STIM2: variants seen among roughly 807,000 people sequenced by gnomAD.
STIM2 encodes stromal interaction molecule 2.
STIM2 carries 31 observed loss-of-function variants against 85.8 expected under a neutral mutation model. The ratio of observed to expected loss-of-function variants is 0.36; its 90% CI spans 0.27 to 0.49. The LOEUF is 0.49. STIM2 is among the 20% of genes least tolerant of loss of function. The pLI is 0.98. For missense variants in STIM2, 841 were observed against 927.6 expected (o/e 0.91, Z 1.21); for synonymous variants, 356 against 331.1 (o/e 1.08, Z -0.82).
intron 2 of STIM2, among the ~76,000 whole-genome samples, chr4:26,928,204 C>T (rs1439096163): frequency 6.6e-6 from 1 of 152,112 alleles, no homozygotes; most frequent in African/African-American, 2.4e-5. Context: ...TATTACCTCC[C>T]AGAACCTCCC....
chr4:26,877,428 A>G (rs986790898), intron 1 of STIM2, among the ~76,000 whole-genome samples: 3 of 151,486 alleles, frequency 2.0e-5, no homozygotes, highest in African/African-American at 7.3e-5. Flanking sequence ...TTTATGAATC[A>G]TAGTTATTTT....
chr4:26,959,126 C>T (rs914287110), intron 3 of STIM2, among the ~76,000 whole-genome samples: 9 of 152,172 alleles, frequency 5.9e-5, no homozygotes, highest in African/African-American at 9.7e-5. Context: ...TAGATCTGCT[C>T]ATTACTCTGT....
rs372734758 is a variant in STIM2, at chr4:26,995,465, A to C, written c.484A>C (p.Asn162His). The change falls in exon 4 of 12, where the codon AAT becomes CAT. Residue 162 changes from asparagine (N) to histidine (H), a missense_variant. Asn to His is a moderately conservative substitution (Grantham distance 68, BLOSUM62 1). This residue lies in a region of STIM2 where 408 missense variants were observed against 525.4 expected (regional missense o/e 0.78). Transcript: ENST00000467087. ...ATATGAGAAGAATTTTAGAGACAAC[A>C]ATGTCAAAGGAACGACACTTCCCAG... 8.2e-5 allele frequency: 131 copies of C among 1,601,328 alleles called. No individual in the cohort carries two copies. The highest frequency in any genetic ancestry group is 1.1e-4 in the Non-Finnish European group (127 of 1,174,278).
intron 2 of STIM2, among the ~76,000 whole-genome samples, chr4:26,936,225 GTT>G: frequency 6.6e-6 from 1 of 152,252 alleles, no homozygotes; most frequent in East Asian, 1.9e-4. Flanking sequence ...CATTTATTTA[GTT>G]TAGTACTTAT....
At chr4:26,933,613 G>T (rs79768932) in intron 2 of STIM2, among the ~76,000 whole-genome samples, 3,115 of 151,036 alleles carry the variant, frequency 0.021, 107 homozygotes, top group African/African-American at 0.072. Flanking sequence ...TATGCTTTGG[G>T]TTTTGCAGAG....
intron 1 of STIM2, among the ~76,000 whole-genome samples, chr4:26,907,487 G>C (rs538429321): frequency 6.6e-6 from 1 of 151,990 alleles, no homozygotes; most frequent in African/African-American, 2.4e-5. Context: ...TCTCCCTCTT[G>C]CTTTTGGATG....
chr4:26,921,883 T>C (rs1442859527), intron 2 of STIM2, among the ~76,000 whole-genome samples: 1 of 152,190 alleles, frequency 6.6e-6, no homozygotes, highest in African/African-American at 2.4e-5. Context: ...ATTTCTGCTA[T>C]TTATCATGAT....
chr4:26,978,789 G>T (rs1161950433), intron 3 of STIM2, among the ~76,000 whole-genome samples: 3 of 152,174 alleles, frequency 2.0e-5, no homozygotes, highest in African/African-American at 4.8e-5. Context: ...CAGCCAGCCA[G>T]CCATTACAGA....
At chr4:27,018,864 A>C (rs1728821468) in intron 11 of STIM2, among the ~76,000 whole-genome samples, 1 of 152,250 alleles carries the variant, frequency 6.6e-6, no homozygotes, top group Admixed American at 6.5e-5. Flanking sequence ...GTTGTCACTT[A>C]ATGATTTATT....
In STIM2 at chr4:27,005,083, A is replaced by C. The variant is rs1018805529; in HGVS notation, c.981+1979A>C. ...CTGCTATTAAAAGCTTTGCTTGTAGAAATAAGTTTAACTGAGAAATGATGT... is the reference window on the plus strand; with the variant it reads ...CTGCTATTAAAAGCTTTGCTTGTAGCAATAAGTTTAACTGAGAAATGATGT... On this transcript the variant is annotated intron_variant, in intron 7 of 11. Coordinates refer to ENST00000467087, the MANE Select transcript of STIM2 (RefSeq NM_020860.4). Among the ~76,000 whole-genome samples the C allele has an allele frequency of 3.9e-5, 6 of 152,234 alleles. No individual in the cohort carries two copies. The East Asian group carries it at 1.2e-3, about 29-fold the overall frequency.
intron 3 of STIM2, among the ~76,000 whole-genome samples, chr4:26,964,662 A>G (rs2109099142): frequency 6.6e-6 from 1 of 152,254 alleles, no homozygotes; most frequent in South Asian, 2.1e-4. Flanking sequence ...CATACAGGAA[A>G]AATTTTCTAG....
At chr4:26,892,920 A>G (rs1723550778) in intron 1 of STIM2, among the ~76,000 whole-genome samples, 1 of 152,228 alleles carries the variant, frequency 6.6e-6, no homozygotes, top group Non-Finnish European at 1.5e-5. Context: ...AGTTTGCTCA[A>G]GCAGTGAAAC....
At chr4:26,976,937 T>C (rs556292179) in intron 3 of STIM2, among the ~76,000 whole-genome samples, 7 of 152,324 alleles carry the variant, frequency 4.6e-5, no homozygotes, top group Admixed American at 2.6e-4. Context: ...AGTGAACAAG[T>C]TTGCATGTAT....
chr4:26,928,151 A>G (rs939450152), intron 2 of STIM2, among the ~76,000 whole-genome samples: 3 of 152,000 alleles, frequency 2.0e-5, no homozygotes, highest in African/African-American at 7.2e-5. Flanking sequence ...GCCCTTTTAT[A>G]AGGGCATTAA....
intron 3 of STIM2, among the ~76,000 whole-genome samples, chr4:26,993,340 C>A (rs780258108): frequency 9.2e-5 from 14 of 152,116 alleles, no homozygotes; most frequent in Non-Finnish European, 2.1e-4. Context: ...ATGGTAGGAA[C>A]ACATGAAGGG....
chr4:26,915,260 A>T (rs143697064), intron 1 of STIM2, among the ~76,000 whole-genome samples: 1 of 152,170 alleles, frequency 6.6e-6, no homozygotes, highest in South Asian at 2.1e-4. Flanking sequence ...TTTGAGACAG[A>T]GTCTCACTCT....
At chr4:26,918,287 C>T (rs1340884608) in intron 1 of STIM2, among the ~76,000 whole-genome samples, 9 of 133,744 alleles carry the variant, frequency 6.7e-5, no homozygotes, top group Admixed American at 2.3e-4. Flanking sequence ...ATTGGCTTCT[C>T]TTCTCCCAGC....
At chr4:26,874,046 CT>C in intron 1 of STIM2, 1 of 672,430 alleles carries the variant, frequency 1.5e-6, no homozygotes, top group Non-Finnish European at 2.8e-6. Context: ...GTCAGGACTC[CT>C]GGATTCTCTG....
chr4:27,005,867 G>A (rs1023263227), intron 7 of STIM2, among the ~76,000 whole-genome samples: 1 of 152,186 alleles, frequency 6.6e-6, no homozygotes, highest in African/African-American at 2.4e-5. Flanking sequence ...AAAAATCTAT[G>A]ATTAAAGAGA....
Sources: gnomAD v4.1 joint callset for allele counts (sites outside exome capture counted in the v4.1 genomes callset) on GRCh38, gnomAD v4.1.1 for gene constraint, gnomAD v4.1.1 regional missense constraint, MANE v1.5 for transcripts, NCBI Gene and HGNC (gene_info 2026-07-23, HGNC 2026-07-21) for gene names.